Variants in RERG observed in about 807,000 individuals in gnomAD.
RERG encodes the protein ras-related and estrogen-regulated growth inhibitor.
RERG carries 25 observed loss-of-function variants against 23.2 expected under a neutral mutation model. That is an observed-to-expected ratio of 1.08 (90% CI 0.79 to 1.50). The LOEUF is 1.50. Among genes scored for constraint, RERG ranks in the 40% most tolerant of loss-of-function variants. The pLI, the probability that RERG is intolerant of heterozygous loss-of-function variation, is 0.00. For synonymous variants in RERG, 81 were observed against 89.1 expected (o/e 0.91, Z 0.51); for missense variants, 253 against 250.1 (o/e 1.01, Z -0.08).
At chr12:15,217,214 T>C (rs1211330940) in intron 2 of RERG, 2 of 520,106 alleles carry the variant, frequency 3.8e-6, no homozygotes, top group Middle Eastern at 2.9e-4. Context: ...TCTTGTGTGT[T>C]ATCAGCAAAG....
chr12:15,111,475 G>T, intron 3 of RERG, 58 bp from the exon 4 acceptor site: 1 of 1,382,342 alleles, frequency 7.2e-7, no homozygotes, highest in South Asian at 1.2e-5. Context: ...GATTTAATTT[G>T]ATCCTTAAAA....
In RERG at chr12:15,217,229, T is replaced by A. The variant is rs1239370640; in HGVS notation, c.61+200A>T. 7.4e-6 allele frequency: 4 copies of A among 541,916 alleles called. No individual in the cohort carries two copies. In the East Asian group the frequency reaches 1.2e-4, roughly 16 times the overall value. The allele number at this position is 541,916 out of a possible 1,614,324, so 33.6% of individuals were successfully genotyped here. ...TCTTGTGTGTTATCAGCAAAGCTAC[T>A]TCAGCATAAATAAGCAAAAGGATAC... On this transcript the variant is annotated intron_variant, in intron 2 of 4. Transcript: ENST00000256953.
rs1272006954 is a variant in RERG, at chr12:15,108,475, GGA to G, written c.*633_*634del. On this transcript the variant is annotated 3_prime_UTR_variant, in exon 5 of 5. Transcript: ENST00000256953. ...GGAAAATATTGTTTGAGCCAAGGAA[GGA>G]GAGTTAGGGTGTAATGATCAATAGA... 26 of 152,704 alleles carry G rather than the reference GGA, an allele frequency of 1.7e-4. No individual in the cohort carries two copies. The East Asian group carries it at 4.4e-3, about 26-fold the overall frequency. The allele number at this position is 152,704 out of a possible 1,614,324, so 9.5% of individuals were successfully genotyped here. A position where few individuals can be genotyped will look rare whatever the true frequency, so the allele number is the denominator to read the frequency against.
intron 2 of RERG, among the ~76,000 whole-genome samples, chr12:15,208,254 G>T (rs548843670): frequency 1.3e-5 from 2 of 152,248 alleles, no homozygotes; most frequent in African/African-American, 4.8e-5. Flanking sequence ...GAATGAATGT[G>T]TGTGTGTGTG....
chr12:15,186,843 A>G (rs962978630), intron 2 of RERG, among the ~76,000 whole-genome samples: 1 of 152,200 alleles, frequency 6.6e-6, no homozygotes. Context: ...GGAAGAGTCG[A>G]TGGCCCTGGG....
intron 2 of RERG, among the ~76,000 whole-genome samples, chr12:15,216,910 T>C (rs1218482288): frequency 6.6e-6 from 1 of 152,224 alleles, no homozygotes; most frequent in Non-Finnish European, 1.5e-5. Context: ...CTATCTTGCT[T>C]GAGAGCATGC....
chr12:15,137,582 C>A (rs1156933914), intron 2 of RERG, among the ~76,000 whole-genome samples: 1 of 151,322 alleles, frequency 6.6e-6, no homozygotes, highest in Non-Finnish European at 1.5e-5. Context: ...CTGGAGTTTG[C>A]AAAAAAATAT....
chr12:15,109,067 G>A lies in RERG; in HGVS notation c.*43C>T. On this transcript the variant is annotated 3_prime_UTR_variant, in exon 5 of 5. Coordinates refer to ENST00000256953, the MANE Select transcript of RERG (RefSeq NM_032918.3). The stretch of plus-strand genomic sequence containing the variant: ...TTATTTTTGAAAGGGGAACAGAAGG[G>A]GAAGAGTGTTTCCAATTAGTTGGTC... 3 of 1,486,570 alleles carry A rather than the reference G, an allele frequency of 2.0e-6. No individual in the cohort carries two copies. The South Asian group carries it at 4.1e-5, about 20-fold the overall frequency. 92.1% of individuals were successfully genotyped at this position (1,486,570 alleles called of 1,614,324 possible).
chr12:15,217,520 TA>T lies in RERG; in HGVS notation c.-32del, dbSNP rs1460114055. The T allele has an allele frequency of 4.2e-5, 63 of 1,507,842 alleles. 1 individual carries two copies. The Middle Eastern group carries it at 5.1e-3, about 123-fold the overall frequency. 93.4% of individuals were successfully genotyped at this position (1,507,842 alleles called of 1,614,324 possible). The stretch of plus-strand genomic sequence containing the variant: ...GTGTTGGTAGACAATTTACTGTTGT[TA>T]AAACTAAAGCACTGAGTAAATCTTT... On this transcript the variant is annotated 5_prime_UTR_variant, in exon 2 of 5. Coordinates refer to ENST00000256953, the MANE Select transcript of RERG (RefSeq NM_032918.3).
At chr12:15,193,496 C>A (rs1413277639) in intron 2 of RERG, among the ~76,000 whole-genome samples, 8 of 152,138 alleles carry the variant, frequency 5.3e-5, no homozygotes, top group Admixed American at 2.6e-4. Flanking sequence ...TCCAAAAACT[C>A]CATCTGCCTT....
intron 2 of RERG, among the ~76,000 whole-genome samples, chr12:15,193,066 T>C (rs1391287414): frequency 6.6e-6 from 1 of 152,160 alleles, no homozygotes; most frequent in Non-Finnish European, 1.5e-5. Flanking sequence ...TATGGGATTA[T>C]GCAAATATCC....
At position 15,121,107 on chromosome 12, in the gene RERG, C is replaced by G; in HGVS notation, c.74G>C (p.Arg25Thr). ...AGVGKSALVV[R>T]FLTKRFIWEY... ...CCAGATGAACCGTTTGGTCAGAAAT[C>G]TCACTACAAGAGCTGTGGAAGAAAA... The change falls in exon 3 of 5, where the codon AGA becomes ACA. Residue 25 changes from arginine to threonine, a missense_variant. Physicochemically the swap from Arg to Thr is moderately conservative, Grantham distance 71. Coordinates refer to ENST00000256953, the MANE Select transcript of RERG (RefSeq NM_032918.3). The G allele has an allele frequency of 6.2e-7, 1 of 1,613,250 alleles. No homozygotes were observed. Among genetic ancestry groups the G allele is most frequent in the Non-Finnish European group, 8.5e-7 (1 of 1,179,384 alleles).
chr12:15,201,559 A>C, intron 2 of RERG, among the ~76,000 whole-genome samples: 1 of 149,696 alleles, frequency 6.7e-6, no homozygotes, highest in East Asian at 1.9e-4. Flanking sequence ...AATAATAGTA[A>C]TTAATAATAA....
chr12:15,129,927 G>C (rs2136094683), intron 2 of RERG, among the ~76,000 whole-genome samples: 1 of 152,132 alleles, frequency 6.6e-6, no homozygotes, highest in East Asian at 1.9e-4. Context: ...CAGTGAGGGA[G>C]AGGGATTAGT....
At chr12:15,160,131 T>A (rs539734089) in intron 2 of RERG, among the ~76,000 whole-genome samples, 5 of 152,324 alleles carry the variant, frequency 3.3e-5, no homozygotes, top group Admixed American at 3.3e-4. Flanking sequence ...GAGCAGTTTT[T>A]ATTTGTACAC....
At chr12:15,167,533 C>T (rs1407786156) in intron 2 of RERG, among the ~76,000 whole-genome samples, 2 of 152,030 alleles carry the variant, frequency 1.3e-5, no homozygotes, top group Admixed American at 1.3e-4. Context: ...CTCTTAGGAC[C>T]ATGTGTTGAG....
chr12:15,218,959 T>C (rs1216646218), intron 1 of RERG, among the ~76,000 whole-genome samples: 1 of 152,134 alleles, frequency 6.6e-6, no homozygotes, highest in African/African-American at 2.4e-5. Flanking sequence ...AGATTTTCAC[T>C]ATCGTTAATC....
At chr12:15,207,602 G>A (rs997896306) in intron 2 of RERG, among the ~76,000 whole-genome samples, 1 of 152,144 alleles carries the variant, frequency 6.6e-6, no homozygotes, top group Non-Finnish European at 1.5e-5. Context: ...GCTCTGATCT[G>A]TTCTGGGTAC....
At chr12:15,145,493 C>A (rs937792984) in intron 2 of RERG, among the ~76,000 whole-genome samples, 2 of 152,196 alleles carry the variant, frequency 1.3e-5, no homozygotes, top group African/African-American at 2.4e-5. Context: ...GGTGGCAGAG[C>A]CACTCTGCAA....
Sources: allele counts gnomAD v4.1 joint callset (sites outside exome capture counted in the v4.1 genomes callset), GRCh38; gene constraint gnomAD v4.1.1; transcripts MANE v1.5; gene names NCBI Gene and HGNC (gene_info 2026-07-23, HGNC 2026-07-21).